Variants in EHBP1L1 observed in about 807,000 individuals in gnomAD.
The protein encoded by EHBP1L1 is EH domain-binding protein 1-like protein 1.
A neutral mutation model predicts 151.1 loss-of-function variants in EHBP1L1; 122 were observed. The ratio of observed to expected loss-of-function variants is 0.81; its 90% confidence interval spans 0.70 to 0.94. EHBP1L1 has a LOEUF of 0.94. EHBP1L1 is among the 40% of genes least tolerant of loss of function. The pLI, the probability that EHBP1L1 is intolerant of heterozygous loss-of-function variation, is 0.00. For missense variants in EHBP1L1, 1,941 were observed against 1,959.8 expected (o/e 0.99, Z 0.18); for synonymous variants, 878 against 810.1 (o/e 1.08, Z -1.42).
Position 65,581,316 on chromosome 11 carries a change from C to G in EHBP1L1, c.809C>G (p.Ala270Gly). ...RGQGSERANE[A>G]GGQVGPEAPR... Reference sequence around the variant, plus strand: ...CAGGGGTCAGAACGAGCTAATGAAGCGGGGGGCCAGGTAGGCCCTGAGGCC... The same window carrying G: ...CAGGGGTCAGAACGAGCTAATGAAGGGGGGGGCCAGGTAGGCCCTGAGGCC... Residue 270 changes from alanine (A) to glycine (G), a missense_variant, in exon 8 of 19, where the codon GCG becomes GGG. Ala to Gly is a moderately conservative substitution (Grantham distance 60, BLOSUM62 0). Coordinates refer to ENST00000309295, the MANE Select transcript of EHBP1L1 (RefSeq NM_001099409.3). 2 of 1,610,496 alleles carry G rather than the reference C, an allele frequency of 1.2e-6. No homozygotes were observed. The highest frequency in any genetic ancestry group is 2.2e-5 in the East Asian group (1 of 44,838).
Position 65,590,171 on chromosome 11 carries a change from G to A in EHBP1L1, c.4144G>A (p.Ala1382Thr). The A allele has an allele frequency of 1.2e-6, 2 of 1,613,702 alleles. No homozygotes were observed. Among genetic ancestry groups the A allele is most frequent in the Non-Finnish European group, 1.7e-6 (2 of 1,179,788 alleles). ...QEQRQIDGRA[A>T]EVEMQLRSLM... ...GCAGAGGCAGATAGATGGGCGGGCG[G>A]CTGAGGTGGAGATGCAGCTGAGGAG... The change falls in exon 15 of 19, where the codon GCT becomes ACT. Residue 1382 changes from alanine (A) to threonine (T), a missense_variant. Ala to Thr is a moderately conservative substitution (Grantham distance 58, BLOSUM62 0). Transcript: ENST00000309295.
In EHBP1L1 at chr11:65,582,900, T is replaced by C; in HGVS notation, c.2228T>C (p.Ile743Thr). 6.2e-7 allele frequency: 1 copy of C among 1,613,448 alleles called. No homozygotes were observed. Among genetic ancestry groups the C allele is most frequent in the Non-Finnish European group, 8.5e-7 (1 of 1,179,760 alleles). The change falls in exon 9 of 19, where the codon ATA becomes ACA. Residue 743 changes from isoleucine (I) to threonine (T), a missense_variant. Physicochemically the swap from Ile to Thr is moderately conservative, Grantham distance 89. Transcript: ENST00000309295. ...DSGVREIEAE[I>T]AESDILVAQE... ...GGGGTCAGAGAGATAGAAGCAGAGA[T>C]AGCAGAGTCTGACATATTGGTAGCC...
Position 65,579,328 on chromosome 11 carries a change from T to C in EHBP1L1, c.163-13T>C. On this transcript the variant is annotated splice_polypyrimidine_tract_variant and intron_variant, in intron 2 of 18. Transcript: ENST00000309295. ...AGTTAAGATGGGGGGAGGACTCAGA[T>C]TGTCCCTTGTAGGCCCACAGCTGGC... 6.5e-7 allele frequency: 1 copy of C among 1,535,920 alleles called. No homozygotes were observed. Among genetic ancestry groups the C allele is most frequent in the African/African-American group, 1.4e-5 (1 of 73,500 alleles).
chr11:65,581,747 G>A lies in EHBP1L1; in HGVS notation c.1075G>A (p.Gly359Ser), dbSNP rs1462500442. The change falls in exon 9 of 19, where the codon GGC becomes AGC. Residue 359 changes from glycine (G) to serine (S), a missense_variant. Physicochemically the swap from Gly to Ser is moderately conservative, Grantham distance 56. Transcript: ENST00000309295. ...EGTEAHGARL[G>S]PSIEDKGSGD... Reference sequence around the variant, plus strand: ...GACAGAAGCCCATGGAGCTAGGCTGGGCCCGAGCATTGAGGATAAAGGTTC... The same window carrying A: ...GACAGAAGCCCATGGAGCTAGGCTGAGCCCGAGCATTGAGGATAAAGGTTC... 1.2e-6 allele frequency: 2 copies of A among 1,605,890 alleles called. No individual in the cohort carries two copies. The highest frequency in any genetic ancestry group is 1.7e-6 in the Non-Finnish European group (2 of 1,176,436).
rs1029895950 is a variant in EHBP1L1 at position 65,589,587 on chromosome 11, G to A, written c.3934-164G>A. On this transcript the variant is annotated intron_variant, in intron 12 of 18. Transcript: ENST00000309295. ...GAGGAGGCATTTCTCTTGGAAGGAG[G>A]TGGGCCCGGGGGTTCTGTGCATGCA... 5.9e-5 allele frequency among the ~76,000 whole-genome samples: 9 copies of A among 152,206 alleles called. No individual in the cohort carries two copies. The South Asian group carries it at 1.0e-3, about 17-fold the overall frequency.
intron 9 of EHBP1L1, 182 bp downstream of exon 9, chr11:65,583,947 C>T: frequency 2.8e-5 from 39 of 1,416,198 alleles, no homozygotes; most frequent in Non-Finnish European, 3.6e-5. Context: ...ACCCCATCTT[C>T]CCTGGGCCGC....
At chr11:65,579,522 C>A in intron 3 of EHBP1L1, 86 bp downstream of exon 3, 1 of 1,169,784 alleles carries the variant, frequency 8.5e-7, no homozygotes, top group South Asian at 1.8e-5. Context: ...GTAGGTTGTT[C>A]ATCCAGATAG....
At chr11:65,591,394 T>C in intron 16 of EHBP1L1, 1 of 308,790 alleles carries the variant, frequency 3.2e-6, no homozygotes, top group Non-Finnish European at 6.2e-6. Context: ...CCCAGAGAGA[T>C]CTGATCTGGT....
intron 12 of EHBP1L1, among the ~76,000 whole-genome samples, chr11:65,588,250 A>G (rs1858077146): frequency 6.6e-6 from 1 of 152,136 alleles, no homozygotes; most frequent in South Asian, 2.1e-4. Context: ...AGGCAGCCCA[A>G]GATGGAAGCT....
chr11:65,580,416 AGT>A lies in EHBP1L1; in HGVS notation c.573_574del (p.Ser191ArgfsTer2). 1 of 1,613,616 alleles carries A rather than the reference AGT, an allele frequency of 6.2e-7. No homozygotes were observed. The highest frequency in any genetic ancestry group is 8.5e-7 in the Non-Finnish European group (1 of 1,179,838). On this transcript the variant is annotated frameshift_variant, in exon 6 of 19. Coordinates refer to ENST00000309295, the MANE Select transcript of EHBP1L1 (RefSeq NM_001099409.3). LOFTEE classifies it high-confidence loss of function. ...GGGCAACTTGGATGACTTTGCTGAGAGTGATGAAGATGAGGCTCATGGCCCAG... is the reference window on the plus strand; with the variant it reads ...GGGCAACTTGGATGACTTTGCTGAGAGATGAAGATGAGGCTCATGGCCCAG... ...DVGNLDDFAE[S>X]DEDEAHGPGA...
At chr11:65,589,856 C>A in intron 13 of EHBP1L1, 36 bp downstream of exon 13, 1 of 1,549,260 alleles carries the variant, frequency 6.5e-7, no homozygotes, top group South Asian at 1.2e-5. Context: ...TCAGTTCAGG[C>A]TGCTCACAAA....
At chr11:65,592,122 G>C in intron 18 of EHBP1L1, 32 bp downstream of exon 18, 1 of 1,611,126 alleles carries the variant, frequency 6.2e-7, no homozygotes, top group Non-Finnish European at 8.5e-7. Flanking sequence ...TGGGAGTTGG[G>C]AGGGTCCGGG....
In EHBP1L1 at chr11:65,585,142, G is replaced by A. The variant is rs1378204814; in HGVS notation, c.3484G>A (p.Val1162Met). The A allele has an allele frequency of 1.4e-6, 2 of 1,455,352 alleles. No homozygotes were observed. The highest frequency in any genetic ancestry group is 1.8e-6 in the Non-Finnish European group (2 of 1,110,946). The allele number at this position is 1,455,352 out of a possible 1,614,324, so 90.2% of individuals were successfully genotyped here. Residue 1162 changes from valine to methionine, a missense_variant, in exon 12 of 19, where the codon GTG (valine) becomes ATG (methionine). Coordinates refer to ENST00000309295, the MANE Select transcript of EHBP1L1 (RefSeq NM_001099409.3). The surrounding 1 kb of genome is among the most constrained non-coding windows in gnomAD (Gnocchi z 4.0). ...CGGCGGCGGCGCCGGCACGTACCGCGTGGGCAGCGCCCAGCCCAGCCCGCC... is the reference window on the plus strand; with the variant it reads ...CGGCGGCGGCGCCGGCACGTACCGCATGGGCAGCGCCCAGCCCAGCCCGCC... ...EGGGGAGTYR[V>M]GSAQPSPPDD...
At chr11:65,580,936 G>T (rs1004662367) in intron 6 of EHBP1L1, 122 bp from the exon 7 acceptor site, 1 of 1,453,242 alleles carries the variant, frequency 6.9e-7, no homozygotes, top group African/African-American at 1.4e-5. Context: ...AGGCCGGGGC[G>T]GTGCCCTGAG....
At chr11:65,581,447 C>T in intron 8 of EHBP1L1, 74 bp downstream of exon 8, 2 of 1,435,406 alleles carry the variant, frequency 1.4e-6, no homozygotes, top group Non-Finnish European at 9.3e-7. Flanking sequence ...ACCAACCTGC[C>T]TCCAGGGCCC....
Position 65,580,209 on chromosome 11 carries a change from T to C in EHBP1L1, c.441T>C (p.Ala147=), listed in dbSNP as rs1336116432. The part of the protein sequence containing the change: ...LKPKSVKVVQ[A]ELSLTLSGVL... ...CAAAGTCAGTGAAGGTGGTGCAGGC[T>C]GAGCTGAGCCTCACTCTTTCCGGGG... The change falls in exon 5 of 19, where the codon GCT becomes GCC. Residue 147 remains alanine, a synonymous_variant. Transcript: ENST00000309295. 6.2e-7 allele frequency: 1 copy of C among 1,613,668 alleles called. No individual in the cohort carries two copies. The highest frequency in any genetic ancestry group is 1.1e-5 in the South Asian group (1 of 91,082).
chr11:65,584,893 C>T, intron 11 of EHBP1L1, 66 bp from the exon 12 acceptor site: 1 of 1,517,070 alleles, frequency 6.6e-7, no homozygotes, highest in Non-Finnish European at 8.8e-7. Flanking sequence ...CGTGGGGCGG[C>T]ACTGCAGCGT....
Position 65,582,387 on chromosome 11 carries a change from CAG to C in EHBP1L1, c.1719_1720del (p.Glu573AspfsTer2), listed in dbSNP as rs1288624104. 1.2e-6 allele frequency: 2 copies of C among 1,600,092 alleles called. No individual in the cohort carries two copies. The highest frequency in any genetic ancestry group is 8.5e-7 in the Non-Finnish European group (1 of 1,173,990). ...GCTGGGGGTTCAGGGGACCTGGAAA[CAG>C]AGACTGAGGTGGTAGGGTTGGAGGT... On this transcript the variant is annotated frameshift_variant, in exon 9 of 19. Transcript: ENST00000309295. LOFTEE classifies it high-confidence loss of function.
chr11:65,589,611 C>G (rs1394037003), intron 12 of EHBP1L1, 140 bp from the exon 13 acceptor site: 7 of 1,333,216 alleles, frequency 5.3e-6, no homozygotes, highest in Non-Finnish European at 6.9e-6. Flanking sequence ...TCTGTGCATG[C>G]AGGACTAGAG....
Sources: gnomAD v4.1 joint callset for allele counts (sites outside exome capture counted in the v4.1 genomes callset) on GRCh38, gnomAD v4.1.1 for gene constraint, Gnocchi (gnomAD v3.1) non-coding constraint, MANE v1.5 for transcripts, NCBI Gene and HGNC (gene_info 2026-07-23, HGNC 2026-07-21) for gene names.